The following RPF1 variants were observed in gnomAD, a reference collection of about 807,000 sequenced individuals.
RPF1 encodes the protein ribosome production factor 1.
In RPF1, 34 loss-of-function variants were observed where a neutral mutation model predicts 41.9. The observed-to-expected ratio is 0.81, with a 90% CI of 0.62 to 1.08. The LOEUF (loss-of-function observed/expected upper bound fraction) is 1.08, where lower values mean the gene tolerates loss of function less well. Among genes scored for constraint, RPF1 ranks in the 50% least tolerant of loss-of-function variants. The pLI, the probability that RPF1 is intolerant of heterozygous loss-of-function variation, is 0.00. For synonymous variants in RPF1, 140 were observed against 148.9 expected, an observed-to-expected ratio of 0.94 and a Z score of 0.43; for missense variants, 425 against 435.2, an observed-to-expected ratio of 0.98 and a Z score of 0.21.
intron 3 of RPF1, among the ~76,000 whole-genome samples, chr1:84,484,261 C>G (rs1341867018): frequency 1.3e-5 from 2 of 152,026 alleles, no homozygotes; most frequent in African/African-American, 4.8e-5. Flanking sequence ...CTAAATATTC[C>G]CTCTTAAATA....
At chr1:84,490,282 G>T (rs1681809085) in intron 4 of RPF1, 37 bp from the exon 5 acceptor site, 4 of 1,421,116 alleles carry the variant, frequency 2.8e-6, no homozygotes, top group East Asian at 5.0e-5. Flanking sequence ...ATTCTTTTTT[G>T]AAAACTATTC....
intron 1 of RPF1, 61 bp downstream of exon 1, chr1:84,479,570 G>A (rs1681604278): frequency 2.0e-6 from 3 of 1,497,888 alleles, no homozygotes; most frequent in African/African-American, 1.4e-5. Context: ...TAGGGCGGTC[G>A]CGGGGCGCAC....
At chr1:84,492,825 A>T (rs1681859887) in intron 5 of RPF1, among the ~76,000 whole-genome samples, 1 of 152,180 alleles carries the variant, frequency 6.6e-6, no homozygotes, top group Non-Finnish European at 1.5e-5. Context: ...CCTCAGTCAT[A>T]CTGACAAACA....
rs773987130 is a variant in RPF1, at chr1:84,482,943, T to A, written c.314T>A (p.Ile105Asn). The A allele has an allele frequency of 6.2e-7, 1 of 1,612,060 alleles. No homozygotes were observed. The highest frequency in any genetic ancestry group is 8.5e-7 in the Non-Finnish European group (1 of 1,178,230). ...CCACCAAAGCCTGTACCCAAGACCA[T>A]TGACAACCAGCGAGTGTATGATGAA... is the stretch of plus-strand genomic sequence containing the variant. ...KAPPKPVPKTIDNQRVYDETT... is the reference protein window; with the variant it reads ...KAPPKPVPKTNDNQRVYDETT... Residue 105 changes from isoleucine to asparagine, a missense_variant, in exon 3 of 9, where the codon ATT (isoleucine) becomes AAT (asparagine). By Grantham distance (149) the Ile-to-Asn change is moderately radical. Coordinates refer to ENST00000370654, the MANE Select transcript of RPF1 (RefSeq NM_025065.7).
At chr1:84,481,255 C>T (rs1681642173) in intron 2 of RPF1, among the ~76,000 whole-genome samples, 1 of 152,178 alleles carries the variant, frequency 6.6e-6, no homozygotes, top group African/African-American at 2.4e-5. Flanking sequence ...GATAACCACT[C>T]GTGAAATTTT....
At position 84,481,005 on chromosome 1, in the gene RPF1, G is replaced by A. The variant is rs1681637557; in HGVS notation, c.278G>A (p.Gly93Asp). The change falls in exon 2 of 9, where the codon GGC becomes GAC. Residue 93 changes from glycine (G) to aspartate (D), a missense_variant. Physicochemically the swap from Gly to Asp is moderately conservative, Grantham distance 94. Transcript: ENST00000370654. ...KKLKKEREAL[G>D]DKAPPKPVPK... ...CTTAAAAAAGAAAGAGAGGCTCTTG[G>A]CGATAAGGTAAATAAAATTTTTAGC... The A allele has an allele frequency of 6.3e-7, 1 of 1,584,056 alleles. No individual in the cohort carries two copies. The highest frequency in any genetic ancestry group is 8.6e-7 in the Non-Finnish European group (1 of 1,158,644).
intron 5 of RPF1, among the ~76,000 whole-genome samples, chr1:84,493,455 G>T (rs560895239): frequency 5.3e-4 from 80 of 151,778 alleles, no homozygotes; most frequent in Non-Finnish European, 8.7e-4. Flanking sequence ...AAATTAGCTG[G>T]GCATGATGCC....
chr1:84,482,330 G>A (rs796301362), intron 2 of RPF1, among the ~76,000 whole-genome samples: 13 of 152,250 alleles, frequency 8.5e-5, no homozygotes, highest in African/African-American at 2.9e-4. Context: ...CCATAATGTT[G>A]ATGTACTGTA....
In RPF1 at chr1:84,489,695, G is replaced by C; in HGVS notation, c.429G>C (p.Lys143Asn). 6 of 1,606,994 alleles carry C rather than the reference G, an allele frequency of 3.7e-6. No individual in the cohort carries two copies. Among genetic ancestry groups the C allele is most frequent in the Non-Finnish European group, 5.1e-6 (6 of 1,173,690 alleles). ...ASYFNKQTSP[K>N]ILITTSDRPH... ...ACTTCAACAAACAGACTTCTCCCAA[G>C]ATTCTCATCACAACATCAGATAGAC... The change falls in exon 4 of 9, where the codon AAG (lysine) becomes AAC (asparagine). Residue 143 changes from lysine to asparagine, a missense_variant. Physicochemically the swap from Lys to Asn is moderately conservative, Grantham distance 94 (BLOSUM62 0). Transcript: ENST00000370654.
chr1:84,480,348 T>TG (rs1681621069), intron 1 of RPF1, among the ~76,000 whole-genome samples: 2 of 152,122 alleles, frequency 1.3e-5, no homozygotes, highest in South Asian at 2.1e-4. Context: ...CAGTAGGTGC[T>TG]GGGGAAAAAA....
chr1:84,483,622 T>C (rs1681690337), intron 3 of RPF1, among the ~76,000 whole-genome samples: 3 of 152,198 alleles, frequency 2.0e-5, no homozygotes, highest in African/African-American at 7.2e-5. Flanking sequence ...TTGTTAGACA[T>C]TTTGATACCT....
At chr1:84,488,780 G>A (rs961105213) in intron 3 of RPF1, among the ~76,000 whole-genome samples, 1 of 152,050 alleles carries the variant, frequency 6.6e-6, no homozygotes, top group Non-Finnish European at 1.5e-5. Flanking sequence ...AATGTTATTA[G>A]ATGTTTTCTT....
intron 8 of RPF1, among the ~76,000 whole-genome samples, chr1:84,496,879 T>G (rs964723458): frequency 6.6e-6 from 1 of 152,002 alleles, no homozygotes; most frequent in African/African-American, 2.4e-5. Flanking sequence ...TGTTGTTGTT[T>G]TGTTTTTTTT....
At chr1:84,493,271 C>G (rs1446196872) in intron 5 of RPF1, among the ~76,000 whole-genome samples, 2 of 143,280 alleles carry the variant, frequency 1.4e-5, no homozygotes, top group African/African-American at 5.2e-5. Flanking sequence ...TGTGGTGAAT[C>G]TTTTAAAATG....
chr1:84,496,372 T>C lies in RPF1; in HGVS notation c.1008+2T>C, dbSNP rs1681934181. On this transcript the variant is annotated splice_donor_variant, in intron 8 of 8. Transcript: ENST00000370654. LOFTEE classifies it high-confidence loss of function. ...GGAGAGTATGAATGGGTCCATAAGG[T>C]ATGTGCTTATTGTTTAAAAAGACTA... 6.3e-6 allele frequency: 10 copies of C among 1,595,594 alleles called. No individual in the cohort carries two copies. Among genetic ancestry groups the C allele is most frequent in the Non-Finnish European group, 8.5e-6 (10 of 1,171,994 alleles).
chr1:84,479,476 A>G lies in RPF1; in HGVS notation c.195A>G (p.Leu65=). 5 of 1,614,186 alleles carry G rather than the reference A, an allele frequency of 3.1e-6. No homozygotes were observed. The highest frequency in any genetic ancestry group is 3.4e-6 in the Non-Finnish European group (4 of 1,180,002). The part of the protein sequence containing the change: ...SEIKNKQRRH[L]MFTRWKQQQR... Reference sequence around the variant, plus strand: ...TTAAAAACAAACAGCGGCGACACTTAATGTTCACGCGGTGGAAACAGCAGC... The same window carrying G: ...TTAAAAACAAACAGCGGCGACACTTGATGTTCACGCGGTGGAAACAGCAGC... The change falls in exon 1 of 9, where the codon TTA becomes TTG. Residue 65 remains leucine, a synonymous_variant. Coordinates refer to ENST00000370654, the MANE Select transcript of RPF1 (RefSeq NM_025065.7).
At position 84,497,507 on chromosome 1, in the gene RPF1, G is replaced by C. The variant is rs190429010; in HGVS notation, c.*37G>C. On this transcript the variant is annotated 3_prime_UTR_variant, in exon 9 of 9. Transcript: ENST00000370654. Reference sequence around the variant, plus strand: ...AATGATATTGGATTTTGCTGAACAGGCCTATCTTGAACTTTGGTAAATTAT... The same window carrying C: ...AATGATATTGGATTTTGCTGAACAGCCCTATCTTGAACTTTGGTAAATTAT... 1 of 1,476,414 alleles carries C rather than the reference G, an allele frequency of 6.8e-7. No homozygotes were observed. Among genetic ancestry groups the C allele is most frequent in the African/African-American group, 1.4e-5 (1 of 70,590 alleles). 91.5% of individuals were successfully genotyped at this position (1,476,414 alleles called of 1,614,324 possible).
intron 3 of RPF1, among the ~76,000 whole-genome samples, chr1:84,483,684 G>A (rs1213781350): frequency 3.9e-5 from 6 of 152,150 alleles, no homozygotes; most frequent in Admixed American, 2.6e-4. Context: ...TTAGTTTCAA[G>A]ATAATCTTTC....
chr1:84,496,371 G>GT lies in RPF1; in HGVS notation c.1008+2dup, dbSNP rs1011473564. The GT allele has an allele frequency of 1.9e-6, 3 of 1,596,776 alleles. No individual in the cohort carries two copies. The African/African-American group carries it at 4.1e-5, about 22-fold the overall frequency. On this transcript the variant is annotated splice_donor_variant, in intron 8 of 8. Transcript: ENST00000370654. LOFTEE classifies it high-confidence loss of function. ...TGGAGAGTATGAATGGGTCCATAAG[G>GT]TATGTGCTTATTGTTTAAAAAGACT...
Sources: gnomAD v4.1 joint callset for allele counts (sites outside exome capture counted in the v4.1 genomes callset) on GRCh38, gnomAD v4.1.1 for gene constraint, MANE v1.5 for transcripts, NCBI Gene and HGNC (gene_info 2026-07-23, HGNC 2026-07-21) for gene names.